The following XKR9 variants were observed in gnomAD, a reference collection of about 807,000 sequenced individuals.
XKR9 encodes the protein XK related 9.
XKR9 carries 32 observed loss-of-function variants against 32.0 expected under a neutral mutation model. The ratio of observed to expected loss-of-function variants is 1.00; its 90% CI spans 0.76 to 1.34. The LOEUF (loss-of-function observed/expected upper bound fraction) is 1.34, where lower values mean the gene tolerates loss of function less well. Among genes scored for constraint, XKR9 ranks in the 40% most tolerant of loss-of-function variants. The pLI is 0.00. For missense variants in XKR9, 546 were observed against 429.7 expected, an observed-to-expected ratio of 1.27 and a Z score of -2.39; for synonymous variants, 168 against 143.4, an observed-to-expected ratio of 1.17 and a Z score of -1.22.
the XKR9 span, among the ~76,000 whole-genome samples, chr8:70,969,438 T>C: frequency 6.6e-6 from 1 of 152,216 alleles, no homozygotes; most frequent in Non-Finnish European, 1.5e-5. Flanking sequence ...TGGGTTACAT[T>C]CAGACCAACA....
the XKR9 span, among the ~76,000 whole-genome samples, chr8:70,814,181 A>T: frequency 6.6e-6 from 1 of 152,144 alleles, no homozygotes; most frequent in South Asian, 2.1e-4. Context: ...TTCTCAGCAA[A>T]CTATCGCAAG....
At chr8:70,686,909 G>A (rs1190054398) in intron 3 of XKR9, among the ~76,000 whole-genome samples, 2 of 151,950 alleles carry the variant, frequency 1.3e-5, no homozygotes, top group South Asian at 2.1e-4. Flanking sequence ...AATCACATAA[G>A]GGTAATTGGG....
At chr8:70,866,682 C>T in the XKR9 span, among the ~76,000 whole-genome samples, 1 of 151,360 alleles carries the variant, frequency 6.6e-6, no homozygotes, top group Admixed American at 6.6e-5. Context: ...AACTGGGTTT[C>T]ACCATGTTGG....
the XKR9 span, among the ~76,000 whole-genome samples, chr8:70,798,988 C>T: frequency 6.6e-6 from 1 of 152,284 alleles, no homozygotes; most frequent in Admixed American, 6.5e-5. Context: ...AATGTAGTGT[C>T]TTCAGCTTTG....
chr8:70,968,910 A>C, the XKR9 span, among the ~76,000 whole-genome samples: 7 of 152,316 alleles, frequency 4.6e-5, no homozygotes, highest in East Asian at 1.4e-3. Flanking sequence ...GGTCTTACAC[A>C]GTCAGGAGGA....
intron 3 of XKR9, among the ~76,000 whole-genome samples, chr8:70,701,498 A>G (rs1805533852): frequency 6.6e-6 from 1 of 152,164 alleles, no homozygotes; most frequent in East Asian, 1.9e-4. Flanking sequence ...CTAGTCAGCC[A>G]TCTTGGCCAC....
the XKR9 span, among the ~76,000 whole-genome samples, chr8:71,042,976 G>A: frequency 6.6e-6 from 1 of 152,156 alleles, no homozygotes; most frequent in African/African-American, 2.4e-5. Flanking sequence ...AGACTGAGGA[G>A]CAACTCTGAT....
chr8:70,826,728 G>A, the XKR9 span, among the ~76,000 whole-genome samples: 3 of 152,090 alleles, frequency 2.0e-5, no homozygotes, highest in Non-Finnish European at 4.4e-5. Context: ...AATGTTGTCT[G>A]TGTAGAAATG....
At chr8:70,779,281 T>C (rs1409523727) in intron 2 of XKR9, among the ~76,000 whole-genome samples, 1 of 152,240 alleles carries the variant, frequency 6.6e-6, no homozygotes. Context: ...TGAACCAGCC[T>C]TGCATATCAG....
intron 4 of XKR9, among the ~76,000 whole-genome samples, chr8:70,726,120 A>T (rs559204329): frequency 1.3e-5 from 2 of 152,184 alleles, no homozygotes; most frequent in African/African-American, 4.8e-5. Context: ...GAATTCTGTT[A>T]ATATTAAAAA....
the XKR9 span, among the ~76,000 whole-genome samples, chr8:70,922,962 A>G: frequency 6.6e-6 from 1 of 152,232 alleles, no homozygotes; most frequent in Admixed American, 6.5e-5. Flanking sequence ...AACGATTAAG[A>G]TATCAAAAGC....
chr8:70,844,916 C>T, the XKR9 span, among the ~76,000 whole-genome samples: 1 of 152,212 alleles, frequency 6.6e-6, no homozygotes, highest in African/African-American at 2.4e-5. Context: ...AAGGATCTGC[C>T]TACCTACCTG....
In XKR9 at chr8:70,688,412, A is replaced by G. The variant is rs1819381943; in HGVS notation, c.272+7082A>G. Among the ~76,000 whole-genome samples the G allele has an allele frequency of 3.3e-5, 5 of 151,552 alleles. No individual in the cohort carries two copies. The South Asian group carries it at 1.0e-3, about 32-fold the overall frequency. The stretch of plus-strand genomic sequence containing the variant: ...TTTTCTCTGTATGGCATATGAATAC[A>G]CAGGCCACATTTTTTTTTTTTTGGG... On this transcript the variant is annotated intron_variant, in intron 3 of 4. Coordinates refer to ENST00000408926, the MANE Select transcript of XKR9 (RefSeq NM_001011720.2).
the XKR9 span, among the ~76,000 whole-genome samples, chr8:70,809,112 T>C: frequency 2.6e-5 from 4 of 152,132 alleles, no homozygotes; most frequent in African/African-American, 9.7e-5. Context: ...AGGGGAACGA[T>C]CAGGCAGCAA....
chr8:70,984,215 C>G, the XKR9 span, among the ~76,000 whole-genome samples: 1 of 152,146 alleles, frequency 6.6e-6, no homozygotes, highest in East Asian at 1.9e-4. Context: ...ATTGTTGCCA[C>G]TGCTATTCTA....
At chr8:71,012,487 A>G in the XKR9 span, among the ~76,000 whole-genome samples, 4 of 152,208 alleles carry the variant, frequency 2.6e-5, no homozygotes, top group Non-Finnish European at 5.9e-5. Flanking sequence ...AATTCTAGCC[A>G]TGAGAAGCTG....
At chr8:71,046,603 T>A in the XKR9 span, among the ~76,000 whole-genome samples, 9 of 152,340 alleles carry the variant, frequency 5.9e-5, no homozygotes, top group South Asian at 1.4e-3. Context: ...GGGTGGCAAG[T>A]AGAGGCAGTG....
At chr8:70,812,565 C>G in the XKR9 span, among the ~76,000 whole-genome samples, 1 of 152,180 alleles carries the variant, frequency 6.6e-6, no homozygotes, top group African/African-American at 2.4e-5. Flanking sequence ...CCCAAAATCT[C>G]CTTAAGCTGA....
At chr8:70,958,895 G>A in the XKR9 span, among the ~76,000 whole-genome samples, 1 of 151,962 alleles carries the variant, frequency 6.6e-6, no homozygotes, top group African/African-American at 2.4e-5. Flanking sequence ...GTATCATTTT[G>A]AGGAGTAAAT....
Sources: allele counts gnomAD v4.1 joint callset (sites outside exome capture counted in the v4.1 genomes callset), GRCh38; gene constraint gnomAD v4.1.1; transcripts MANE v1.5; gene names NCBI Gene and HGNC (gene_info 2026-07-23, HGNC 2026-07-21).